ZNF587B: variants seen among roughly 807,000 people sequenced by gnomAD.
ZNF587B encodes zinc finger protein 587B.
A neutral mutation model predicts 7.2 loss-of-function variants in ZNF587B; 6 were observed. The observed-to-expected ratio is 0.83, with a 90% CI of 0.46 to 1.65. The LOEUF (loss-of-function observed/expected upper bound fraction) is 1.65. Ranked by LOEUF, ZNF587B falls within the 40% of genes most tolerant of loss-of-function variation. ZNF587B has a pLI of 0.01. For synonymous variants in ZNF587B, 274 were observed against 254.3 expected (o/e 1.08, Z -0.74); for missense variants, 749 against 761.0 (o/e 0.98, Z 0.19).
At chr19:57,832,604 G>A (rs1257913201) in intron 1 of ZNF587B, among the ~76,000 whole-genome samples, 3 of 152,210 alleles carry the variant, frequency 2.0e-5, no homozygotes, top group Non-Finnish European at 2.9e-5. Flanking sequence ...GTTGATGCTT[G>A]TAGATATTCG....
rs576909045 is a variant in ZNF587B, at chr19:57,843,607, T to G, written c.*1031T>G. 668 of 909,590 alleles carry G rather than the reference T, an allele frequency of 7.3e-4. 9 individuals carry two copies. The African/African-American group carries it at 0.012, about 16-fold the overall frequency. The allele number at this position is 909,590 out of a possible 1,614,324, so 56.3% of individuals were successfully genotyped here. On this transcript the variant is annotated 3_prime_UTR_variant, in exon 3 of 3. Transcript: ENST00000594901. ...GGTTGGTTGTTTTTTTTTGTTTTTT[T>G]TTTTTTTTTTTTTGGAGACAAAGTT...
At chr19:57,839,183 T>C (rs772303779) in intron 2 of ZNF587B, 34 bp downstream of exon 2, 1 of 1,611,522 alleles carries the variant, frequency 6.2e-7, no homozygotes, top group East Asian at 2.2e-5. Context: ...TGACTTGAGC[T>C]AGTCTCTGTT....
intron 1 of ZNF587B, among the ~76,000 whole-genome samples, chr19:57,833,097 C>T (rs1453416362): frequency 6.6e-6 from 1 of 152,306 alleles, no homozygotes; most frequent in African/African-American, 2.4e-5. Context: ...CAGCAGGTGG[C>T]AAAGCCAGAC....
At chr19:57,835,056 G>A (rs1264803336) in intron 1 of ZNF587B, among the ~76,000 whole-genome samples, 2 of 96,422 alleles carry the variant, frequency 2.1e-5, no homozygotes, top group Non-Finnish European at 2.0e-5. Flanking sequence ...TAGAAGGTCA[G>A]CCTTGGATTT....
Position 57,830,333 on chromosome 19 carries a change from T to C in ZNF587B, c.-196T>C. 1.8e-6 allele frequency: 1 copy of C among 551,878 alleles called. No individual in the cohort carries two copies. Among genetic ancestry groups the C allele is most frequent in the South Asian group, 2.5e-5 (1 of 40,214 alleles). 34.2% of individuals were successfully genotyped at this position (551,878 alleles called of 1,614,324 possible). On this transcript the variant is annotated 5_prime_UTR_variant, in exon 1 of 3. Coordinates refer to ENST00000594901, the MANE Select transcript of ZNF587B (RefSeq NM_001376223.1). ...TGGGTTTATTTGTCGGAGAGGCTCC[T>C]GAGCGCTAGGTCGGCACTGCGGTGA... is the stretch of plus-strand genomic sequence containing the variant.
intron 1 of ZNF587B, among the ~76,000 whole-genome samples, chr19:57,832,559 AGTTT>A (rs1412267663): frequency 2.0e-5 from 3 of 152,064 alleles, no homozygotes; most frequent in East Asian, 1.9e-4. Flanking sequence ...TGCTTTATTT[AGTTT>A]GTTTGGTGAG....
chr19:57,838,722 G>A (rs1988727214), intron 1 of ZNF587B, among the ~76,000 whole-genome samples: 1 of 152,192 alleles, frequency 6.6e-6, no homozygotes, highest in Non-Finnish European at 1.5e-5. Flanking sequence ...AGAATGAGGT[G>A]CGTTCAGAGA....
rs745499860 is a variant in ZNF587B, at chr19:57,841,646, G to A, written c.972G>A (p.Gly324=). The A allele has an allele frequency of 6.2e-7, 1 of 1,600,754 alleles. No individual in the cohort carries two copies. The highest frequency in any genetic ancestry group is 1.3e-5 in the African/African-American group (1 of 74,602). Residue 324 remains glycine (G), a synonymous_variant, in exon 3 of 3, where the codon GGG becomes GGA. Transcript: ENST00000594901. ...ATCAAAAAGTTCACGCTGGAAAAGG[G>A]CCTTATGAGTGTGGAGAATGTGGGA... ...RRHQKVHAGK[G]PYECGECGKS... is the part of the protein sequence containing the mutation.
At position 57,831,865 on chromosome 19, in the gene ZNF587B, C is replaced by T. The variant is rs984841712; in HGVS notation, c.36+1301C>T. On this transcript the variant is annotated intron_variant, in intron 1 of 2. Coordinates refer to ENST00000594901, the MANE Select transcript of ZNF587B (RefSeq NM_001376223.1). ...GATTACAGACACCCGCCACCATGCC[C>T]GGCTAATTTTTTGTATTTTTAGTAG... 5.9e-5 allele frequency among the ~76,000 whole-genome samples: 9 copies of T among 151,434 alleles called. No individual in the cohort carries two copies. The South Asian group carries it at 1.0e-3, about 18-fold the overall frequency.
intron 2 of ZNF587B, among the ~76,000 whole-genome samples, chr19:57,839,928 A>C (rs1051717855): frequency 6.6e-6 from 1 of 152,016 alleles, no homozygotes; most frequent in Non-Finnish European, 1.5e-5. Flanking sequence ...AATATAAAAA[A>C]ATCACTCGAG....
At chr19:57,838,654 G>A (rs1327937807) in intron 1 of ZNF587B, among the ~76,000 whole-genome samples, 1 of 152,032 alleles carries the variant, frequency 6.6e-6, no homozygotes, top group African/African-American at 2.4e-5. Flanking sequence ...GCCAGAGAGA[G>A]GCCAGTGGTG....
At chr19:57,839,779 C>A (rs1988766373) in intron 2 of ZNF587B, among the ~76,000 whole-genome samples, 2 of 151,970 alleles carry the variant, frequency 1.3e-5, no homozygotes, top group African/African-American at 2.4e-5. Context: ...AGGAGTGAGT[C>A]CCTAAAGAGT....
rs1329940758 is a variant in ZNF587B at position 57,842,829 on chromosome 19, TTATC to T, written c.*254_*257del. 1 of 985,416 alleles carries T rather than the reference TTATC, an allele frequency of 1.0e-6. No homozygotes were observed. The highest frequency in any genetic ancestry group is 1.2e-6 in the Non-Finnish European group (1 of 829,930). The allele number at this position is 985,416 out of a possible 1,614,324, so 61.0% of individuals were successfully genotyped here. A position where few individuals can be genotyped will look rare whatever the true frequency, so the allele number is the denominator to read the frequency against. On this transcript the variant is annotated 3_prime_UTR_variant, in exon 3 of 3. Coordinates refer to ENST00000594901, the MANE Select transcript of ZNF587B (RefSeq NM_001376223.1). The stretch of plus-strand genomic sequence containing the variant: ...TACTAGTGTGGCAAATATAGGCTAT[TTATC>T]CAGAAGTCTGGCTTCAAAACTCACA...
At position 57,843,589 on chromosome 19, in the gene ZNF587B, T is replaced by A; in HGVS notation, c.*1013T>A. 1.2e-6 allele frequency: 1 copy of A among 834,516 alleles called. No individual in the cohort carries two copies. The highest frequency in any genetic ancestry group is 1.4e-6 in the Non-Finnish European group (1 of 716,876). The allele number at this position is 834,516 out of a possible 1,614,324, so 51.7% of individuals were successfully genotyped here. A position where few individuals can be genotyped will look rare whatever the true frequency, so the allele number is the denominator to read the frequency against. ...TTGGTTGGTTGGTTGGTTGGTTGGT[T>A]GTTTTTTTTTGTTTTTTTTTTTTTT... On this transcript the variant is annotated 3_prime_UTR_variant, in exon 3 of 3. Transcript: ENST00000594901.
chr19:57,839,967 G>A (rs376260369), intron 2 of ZNF587B, among the ~76,000 whole-genome samples: 17 of 151,202 alleles, frequency 1.1e-4, no homozygotes, highest in Non-Finnish European at 1.5e-4. Flanking sequence ...TAGTCCCAGC[G>A]ACTCAGGAGG....
chr19:57,838,255 A>C (rs1288054189), intron 1 of ZNF587B, among the ~76,000 whole-genome samples: 1 of 151,396 alleles, frequency 6.6e-6, no homozygotes, highest in East Asian at 1.9e-4. Context: ...GGTTGCAGTG[A>C]GTCTAGATCG....
chr19:57,845,071 G>A lies in ZNF587B; in HGVS notation c.*2495G>A, dbSNP rs1989018245. 6.6e-6 allele frequency: 1 copy of A among 151,976 alleles called. No homozygotes were observed. The highest frequency in any genetic ancestry group is 6.6e-5 in the Admixed American group (1 of 15,232). 9.4% of individuals were successfully genotyped at this position (151,976 alleles called of 1,614,324 possible). On this transcript the variant is annotated 3_prime_UTR_variant, in exon 3 of 3. Transcript: ENST00000594901. ...GGCTCACTGCAACCTGTGCCTTCTG[G>A]GTTCAAGCGATTCTCCCACCTCAGT...
rs111435876 is a variant in ZNF587B, at chr19:57,843,642, C to T, written c.*1066C>T. 2.5e-6 allele frequency: 2 copies of T among 812,034 alleles called. No homozygotes were observed. Among genetic ancestry groups the T allele is most frequent in the East Asian group, 1.5e-4 (1 of 6,818 alleles). 50.3% of individuals were successfully genotyped at this position (812,034 alleles called of 1,614,324 possible). On this transcript the variant is annotated 3_prime_UTR_variant, in exon 3 of 3. Transcript: ENST00000594901. Reference sequence around the variant, plus strand: ...TTTTGGAGACAAAGTTTCACTGTCACCGATACTGGAGTGCAGTGGTGTGAT... The same window carrying T: ...TTTTGGAGACAAAGTTTCACTGTCATCGATACTGGAGTGCAGTGGTGTGAT...
Position 57,843,910 on chromosome 19 carries a change from T to A in ZNF587B, c.*1334T>A, listed in dbSNP as rs1238570536. On this transcript the variant is annotated 3_prime_UTR_variant, in exon 3 of 3. Coordinates refer to ENST00000594901, the MANE Select transcript of ZNF587B (RefSeq NM_001376223.1). ...CTCTGCTTCTGGCCTTTTTAAAAATTTTTTAAATTTATATTTTTTGTAGAG... is the reference window on the plus strand; with the variant it reads ...CTCTGCTTCTGGCCTTTTTAAAAATATTTTAAATTTATATTTTTTGTAGAG... Among the ~76,000 whole-genome samples, 2 of 152,100 alleles carry A rather than the reference T, an allele frequency of 1.3e-5. No homozygotes were observed. Among genetic ancestry groups the A allele is most frequent in the African/African-American group, 4.8e-5 (2 of 41,446 alleles).
Sources: gnomAD v4.1 joint callset for allele counts (sites outside exome capture counted in the v4.1 genomes callset) on GRCh38, gnomAD v4.1.1 for gene constraint, MANE v1.5 for transcripts, NCBI Gene and HGNC (gene_info 2026-07-23, HGNC 2026-07-21) for gene names.